Variants in SEM1 observed in about 807,000 individuals in gnomAD.
SEM1 encodes SEM1 26S proteasome subunit.
Under a neutral mutation model 12.7 loss-of-function variants are expected in SEM1, and 3 were observed. The observed-to-expected ratio is 0.24, with a 90% CI of 0.11 to 0.61. The LOEUF is 0.61. Among genes scored for constraint, SEM1 ranks in the 20% least tolerant of loss-of-function variants. The pLI, the probability that SEM1 is intolerant of heterozygous loss-of-function variation, is 0.88. For synonymous variants in SEM1, 30 were observed against 27.8 expected (o/e 1.08, Z -0.25); for missense variants, 59 against 81.3 (o/e 0.73, Z 1.06).
intron 2 of SEM1, among the ~76,000 whole-genome samples, chr7:96,519,661 T>C (rs564589687): frequency 2.5e-4 from 38 of 152,128 alleles, no homozygotes; most frequent in South Asian, 6.2e-4. Context: ...GATGAGACCC[T>C]CCACATAGCT....
At position 96,557,478 on chromosome 7, in the gene SEM1, G is replaced by A. The variant is rs534114423; in HGVS notation, c.171-50780C>T. 5.7e-3 allele frequency among the ~76,000 whole-genome samples: 578 copies of A among 101,562 alleles called. 7 individuals carry two copies. Among genetic ancestry groups the A allele is most frequent in the African/African-American group, 0.015 (549 of 35,638 alleles). 66.6% of individuals were successfully genotyped at this position (101,562 alleles called of 152,430 possible). A position where few individuals can be genotyped will look rare whatever the true frequency, so the allele number is the denominator to read the frequency against. On this transcript the variant is annotated intron_variant and NMD_transcript_variant, in intron 2 of 3. Transcript: ENST00000466986. ...TGAGGTGTCAGTGTGCCCCTGCTGGGGGGTGCCTCCCAGTTAGGCTGCTCG... is the reference window on the plus strand; with the variant it reads ...TGAGGTGTCAGTGTGCCCCTGCTGGAGGGTGCCTCCCAGTTAGGCTGCTCG...
At chr7:96,534,962 G>A (rs1399417389) in intron 2 of SEM1, among the ~76,000 whole-genome samples, 2 of 151,832 alleles carry the variant, frequency 1.3e-5, no homozygotes, top group Non-Finnish European at 2.9e-5. Context: ...ATAAATGAGA[G>A]TTCTTTGGAG....
intron 2 of SEM1, among the ~76,000 whole-genome samples, chr7:96,531,910 C>T (rs774031935): frequency 2.6e-5 from 4 of 151,790 alleles, no homozygotes; most frequent in Non-Finnish European, 5.9e-5. Flanking sequence ...CATTTTTATC[C>T]CTATTAAGTA....
chr7:96,505,825 A>T (rs1772993349), intron 3 of SEM1, among the ~76,000 whole-genome samples: 1 of 151,972 alleles, frequency 6.6e-6, no homozygotes, highest in Admixed American at 6.6e-5. Context: ...ACCTCTTAAC[A>T]CCATCACCTT....
At chr7:96,673,575 C>T (rs1240684550) in exon 3 of SEM1, 2 of 603,768 alleles carry the variant, frequency 3.3e-6, no homozygotes, top group Admixed American at 5.5e-5. Flanking sequence ...TCCTACCTTG[C>T]CCAGGCTGGA....
chr7:96,605,480 T>G (rs556205831), intron 2 of SEM1, among the ~76,000 whole-genome samples: 33 of 152,352 alleles, frequency 2.2e-4, no homozygotes, highest in Non-Finnish European at 3.1e-4. Flanking sequence ...GGTCAGGAGT[T>G]ACCCTCTGAC....
chr7:96,643,496 A>T (rs1235673934), intron 2 of SEM1, among the ~76,000 whole-genome samples: 2 of 152,128 alleles, frequency 1.3e-5, no homozygotes, highest in Non-Finnish European at 2.9e-5. Flanking sequence ...CTATAAAGAC[A>T]CATGCACACG....
chr7:96,496,694 T>G, upstream of SEM1, among the ~76,000 whole-genome samples: 1 of 152,300 alleles, frequency 6.6e-6, no homozygotes, highest in Non-Finnish European at 1.5e-5. Context: ...ATACTACAGT[T>G]TGTGAATCTA....
At chr7:96,599,688 A>G (rs1807134114) in intron 2 of SEM1, among the ~76,000 whole-genome samples, 1 of 152,216 alleles carries the variant, frequency 6.6e-6, no homozygotes, top group South Asian at 2.1e-4. Flanking sequence ...CAAGAGGACT[A>G]GCAGATTCCC....
At chr7:96,520,758 G>A (rs1385634838) in intron 2 of SEM1, among the ~76,000 whole-genome samples, 1 of 152,116 alleles carries the variant, frequency 6.6e-6, no homozygotes, top group African/African-American at 2.4e-5. Context: ...TCCAGCATCT[G>A]CTCCCAGGTT....
intron 2 of SEM1, among the ~76,000 whole-genome samples, chr7:96,544,558 T>G (rs937996559): frequency 3.3e-5 from 5 of 152,040 alleles, no homozygotes; most frequent in African/African-American, 1.2e-4. Flanking sequence ...TTACTGAATA[T>G]TAGCATACAA....
chr7:96,570,029 G>A (rs1186127014), intron 2 of SEM1, among the ~76,000 whole-genome samples: 4 of 151,672 alleles, frequency 2.6e-5, no homozygotes, highest in African/African-American at 7.3e-5. Flanking sequence ...ACTTCCTTTT[G>A]GGTATATACC....
intron 2 of SEM1, among the ~76,000 whole-genome samples, chr7:96,565,106 T>A (rs1306007670): frequency 6.6e-6 from 1 of 152,006 alleles, no homozygotes; most frequent in Non-Finnish European, 1.5e-5. Context: ...GGAATCCTCA[T>A]CAGAGCAGGA....
intron 2 of SEM1, among the ~76,000 whole-genome samples, chr7:96,562,153 T>C (rs2115920265): frequency 6.6e-6 from 1 of 152,330 alleles, no homozygotes; most frequent in Middle Eastern, 3.4e-3. Context: ...GAAAGCCATC[T>C]TTCTCTTGCC....
At chr7:96,667,644 T>C (rs1789205159) in intron 2 of SEM1, among the ~76,000 whole-genome samples, 1 of 152,188 alleles carries the variant, frequency 6.6e-6, no homozygotes, top group South Asian at 2.1e-4. Context: ...ACATACTCAA[T>C]TGCCTTAGTG....
intron 2 of SEM1, among the ~76,000 whole-genome samples, chr7:96,548,474 T>G (rs544209096): frequency 6.6e-6 from 1 of 152,162 alleles, no homozygotes; most frequent in Admixed American, 6.6e-5. Flanking sequence ...GAATCTGTAT[T>G]TTAACAAAAT....
At chr7:96,585,457 GAGGC>G (rs373465166) in intron 2 of SEM1, among the ~76,000 whole-genome samples, 47,009 of 151,970 alleles carry the variant, frequency 0.31, 7,269 homozygotes, top group Middle Eastern at 0.32. Flanking sequence ...GGAGCCTACA[GAGGC>G]AGGCAGGCCT....
chr7:96,634,796 G>GTAGC (rs1171192567), intron 2 of SEM1, among the ~76,000 whole-genome samples: 2 of 151,892 alleles, frequency 1.3e-5, no homozygotes, highest in Admixed American at 1.3e-4. Context: ...GTGGAGAAGA[G>GTAGC]TAGGCAAGGG....
chr7:96,505,260 C>T (rs1803713917), intron 3 of SEM1, among the ~76,000 whole-genome samples: 1 of 151,950 alleles, frequency 6.6e-6, no homozygotes, highest in Admixed American at 6.6e-5. Flanking sequence ...CACCACCACG[C>T]CCAGCTAATT....
Sources: allele counts gnomAD v4.1 joint callset (sites outside exome capture counted in the v4.1 genomes callset), GRCh38; gene constraint gnomAD v4.1.1; transcripts MANE v1.5; gene names NCBI Gene and HGNC (gene_info 2026-07-23, HGNC 2026-07-21).